The following TLE4 variants were observed in gnomAD, a reference collection of about 807,000 sequenced individuals.
TLE4 encodes the protein transducin-like enhancer protein 4.
A neutral mutation model predicts 92.8 loss-of-function variants in TLE4; 8 were observed. That is an observed-to-expected ratio of 0.09 (90% confidence interval 0.05 to 0.16). The LOEUF (loss-of-function observed/expected upper bound fraction) is 0.16. Ranked by LOEUF, TLE4 falls within the 10% of genes least tolerant of loss-of-function variation. The pLI, the probability that TLE4 is intolerant of heterozygous loss-of-function variation, is 1.00. For synonymous variants in TLE4, 371 were observed against 374.1 expected, an observed-to-expected ratio of 0.99 and a Z score of 0.10; for missense variants, 675 against 997.6, an observed-to-expected ratio of 0.68 and a Z score of 4.36.
intron 7 of TLE4, 72 bp downstream of exon 7, chr9:79,652,866 G>T (rs761013483): frequency 2.3e-4 from 340 of 1,467,344 alleles, no homozygotes; most frequent in Non-Finnish European, 3.0e-4. Context: ...GGATGCTATT[G>T]TTTATTCTCT....
Position 79,713,494 on chromosome 9 carries a change from C to CT in TLE4, c.1340+3796dup, listed in dbSNP as rs1227853033. Among the ~76,000 whole-genome samples, 4 of 152,258 alleles carry CT rather than the reference C, an allele frequency of 2.6e-5. No homozygotes were observed. In the East Asian group the frequency reaches 7.7e-4, roughly 29 times the overall value. On this transcript the variant is annotated intron_variant, in intron 14 of 19. Coordinates refer to ENST00000376552, the MANE Select transcript of TLE4 (RefSeq NM_007005.6). ...CGTGTTGAGAGGAGGTCAGGTCACT[C>CT]TATTTCTCTGACTCCCTGCACCCTC...
intron 8 of TLE4, among the ~76,000 whole-genome samples, chr9:79,663,281 G>C (rs1012694861): frequency 6.6e-6 from 1 of 152,224 alleles, no homozygotes; most frequent in Non-Finnish European, 1.5e-5. Context: ...ATAGTTGTCT[G>C]GTAAGCCTCT....
At position 79,576,644 on chromosome 9, in the gene TLE4, A is replaced by G. The variant is rs2037870707; in HGVS notation, c.252+467A>G. 4 of 152,342 alleles carry G rather than the reference A, an allele frequency of 2.6e-5. No homozygotes were observed. The South Asian group carries it at 8.3e-4, about 32-fold the overall frequency. The allele number at this position is 152,342 out of a possible 1,614,324, so 9.4% of individuals were successfully genotyped here. On this transcript the variant is annotated intron_variant, in intron 4 of 19. Transcript: ENST00000376552. Reference sequence around the variant, plus strand: ...TGAAATCTGTGGAGCTACAAAAGAAATTGATGTAAAATCCTTGTACTGGTC... The same window carrying G: ...TGAAATCTGTGGAGCTACAAAAGAAGTTGATGTAAAATCCTTGTACTGGTC...
intron 6 of TLE4, among the ~76,000 whole-genome samples, chr9:79,651,028 T>C (rs2058860572): frequency 1.3e-5 from 1 of 77,424 alleles, no homozygotes; most frequent in African/African-American, 4.4e-5. Flanking sequence ...GGTGGAATGA[T>C]CGATCTCTCT....
At position 79,708,181 on chromosome 9, in the gene TLE4, A is replaced by G; in HGVS notation, c.1000A>G (p.Thr334Ala). Residue 334 changes from threonine (T) to alanine (A), a missense_variant, in exon 12 of 20, where the codon ACC becomes GCC. Coordinates refer to ENST00000376552, the MANE Select transcript of TLE4 (RefSeq NM_007005.6). ...CCCTACTCCACGAACTGATGCGCCC[A>G]CCCCAGGCAGTAACTCTACTCCCGG... The part of the protein sequence containing the change: ...NTPTPRTDAP[T>A]PGSNSTPGLR... 6.2e-7 allele frequency: 1 copy of G among 1,613,920 alleles called. No homozygotes were observed.
intron 4 of TLE4, among the ~76,000 whole-genome samples, chr9:79,583,370 G>A (rs896239935): frequency 5.9e-5 from 9 of 152,152 alleles, no homozygotes; most frequent in African/African-American, 1.7e-4. Flanking sequence ...TGAGTGGATC[G>A]CACTGTCATC....
intron 8 of TLE4, among the ~76,000 whole-genome samples, chr9:79,663,011 G>A (rs1243556532): frequency 6.7e-6 from 1 of 149,076 alleles, no homozygotes; most frequent in African/African-American, 2.4e-5. Context: ...ACTGCTCTGA[G>A]AGTCGTGACA....
At chr9:79,573,140 T>G in intron 1 of TLE4, 9 of 688,944 alleles carry the variant, frequency 1.3e-5, no homozygotes, top group East Asian at 5.3e-5. Flanking sequence ...TGGCGAGCGA[T>G]GAAGGAGGCG....
intron 5 of TLE4, among the ~76,000 whole-genome samples, chr9:79,618,024 T>C (rs1456841481): frequency 6.6e-6 from 1 of 152,210 alleles, no homozygotes; most frequent in Non-Finnish European, 1.5e-5. Flanking sequence ...GGGCAAGTTA[T>C]TTCCTTTTAA....
intron 6 of TLE4, among the ~76,000 whole-genome samples, chr9:79,634,419 A>G (rs1482876469): frequency 2.6e-5 from 4 of 152,210 alleles, no homozygotes; most frequent in South Asian, 4.1e-4. Context: ...GTATTTTTTT[A>G]TATTTGCAGA....
At chr9:79,644,444 G>A (rs1490353664) in intron 6 of TLE4, among the ~76,000 whole-genome samples, 1 of 152,156 alleles carries the variant, frequency 6.6e-6, no homozygotes, top group Non-Finnish European at 1.5e-5. Context: ...AATTCTTCCA[G>A]CAACCTTGGG....
At chr9:79,627,132 C>T (rs879269488) in intron 5 of TLE4, among the ~76,000 whole-genome samples, 1 of 151,982 alleles carries the variant, frequency 6.6e-6, no homozygotes. Context: ...TGTAAAGGAG[C>T]ATTCTTCATG....
intron 8 of TLE4, among the ~76,000 whole-genome samples, chr9:79,666,297 G>A (rs1252651591): frequency 1.4e-5 from 2 of 146,304 alleles, no homozygotes; most frequent in East Asian, 2.1e-4. Flanking sequence ...TCATGATCTC[G>A]GCTCACTGCA....
chr9:79,592,241 T>C (rs2042848579), intron 4 of TLE4, among the ~76,000 whole-genome samples: 1 of 142,490 alleles, frequency 7.0e-6, no homozygotes, highest in African/African-American at 2.6e-5. Flanking sequence ...TTCTTCCTTC[T>C]GCTTCTTCTT....
chr9:79,706,194 G>A (rs1353024455), intron 10 of TLE4, among the ~76,000 whole-genome samples: 1 of 152,004 alleles, frequency 6.6e-6, no homozygotes, highest in African/African-American at 2.4e-5. Flanking sequence ...ACAGGCACGT[G>A]CCACCACGCT....
chr9:79,586,479 T>A (rs1163630219), intron 4 of TLE4, among the ~76,000 whole-genome samples: 3 of 152,222 alleles, frequency 2.0e-5, no homozygotes, highest in Non-Finnish European at 1.5e-5. Context: ...TATTACCTGT[T>A]GTGTAATTAG....
At chr9:79,683,924 T>C (rs1309962422) in intron 8 of TLE4, among the ~76,000 whole-genome samples, 1 of 152,240 alleles carries the variant, frequency 6.6e-6, no homozygotes, top group Non-Finnish European at 1.5e-5. Flanking sequence ...AATGAACTTA[T>C]GACGACAGTT....
chr9:79,667,130 C>T (rs991267569), intron 8 of TLE4, among the ~76,000 whole-genome samples: 1 of 152,236 alleles, frequency 6.6e-6, no homozygotes, highest in Non-Finnish European at 1.5e-5. Context: ...GCAGCTTGAT[C>T]TAACCCTGGG....
At chr9:79,577,706 A>C (rs538458748) in intron 4 of TLE4, among the ~76,000 whole-genome samples, 1 of 152,210 alleles carries the variant, frequency 6.6e-6, no homozygotes, top group Admixed American at 6.5e-5. Context: ...AAAATTAATT[A>C]GTGTCTTTTT....
Sources: allele counts gnomAD v4.1 joint callset (sites outside exome capture counted in the v4.1 genomes callset), GRCh38; gene constraint gnomAD v4.1.1; transcripts MANE v1.5; gene names NCBI Gene and HGNC (gene_info 2026-07-23, HGNC 2026-07-21).